Variants in SPTA1 observed in about 807,000 individuals in gnomAD.
SPTA1 encodes the protein spectrin alpha chain, erythrocytic 1.
In SPTA1, 177 loss-of-function variants were observed where a neutral mutation model predicts 324.7. The observed-to-expected ratio is 0.55, with a 90% confidence interval of 0.48 to 0.62. SPTA1 has a LOEUF of 0.62. SPTA1 is among the 20% of genes least tolerant of loss of function. The pLI is 0.00. For synonymous variants in SPTA1, 1,195 were observed against 1,041.3 expected, an observed-to-expected ratio of 1.15 and a Z score of -2.84; for missense variants, 3,162 against 2,883.6, an observed-to-expected ratio of 1.10 and a Z score of -2.21.
intron 18 of SPTA1, among the ~76,000 whole-genome samples, chr1:158,660,309 A>C (rs1398471975): frequency 6.6e-6 from 1 of 152,210 alleles, no homozygotes; most frequent in African/African-American, 2.4e-5. Flanking sequence ...TAAGAAACAG[A>C]GTGCAAGCAA....
chr1:158,658,638 G>A (rs376944041), intron 18 of SPTA1, among the ~76,000 whole-genome samples: 1 of 151,938 alleles, frequency 6.6e-6, no homozygotes, highest in African/African-American at 2.4e-5. Context: ...ACAGATCCAA[G>A]GAGCTCAACA....
Position 158,620,247 on chromosome 1 carries a change from C to T in SPTA1, c.6340G>A (p.Val2114Met). Residue 2114 changes from valine to methionine, a missense_variant, in exon 44 of 52, where the codon GTG becomes ATG. By Grantham distance (21) the Val-to-Met change is conservative. Transcript: ENST00000643759. ...ELDQQIKALG[V>M]PSSPYTWLTV... ...AACCAGGTATAAGGGCTGGAAGGCA[C>T]ACCTAAGGCCTTAATCTGCTGGTCT... The T allele has an allele frequency of 6.2e-7, 1 of 1,614,110 alleles. No homozygotes were observed. Among genetic ancestry groups the T allele is most frequent in the Non-Finnish European group, 8.5e-7 (1 of 1,180,026 alleles).
chr1:158,635,462 C>A (rs1269971427), intron 38 of SPTA1, among the ~76,000 whole-genome samples: 1 of 152,134 alleles, frequency 6.6e-6, no homozygotes, highest in Non-Finnish European at 1.5e-5. Context: ...CATAAATACC[C>A]AGTCTCGGGT....
At chr1:158,680,497 CCTT>C (rs1654725088) in intron 5 of SPTA1, 83 bp downstream of exon 5, 1 of 1,581,540 alleles carries the variant, frequency 6.3e-7, no homozygotes. Flanking sequence ...TGCCCCATCT[CCTT>C]CATATCCATC....
At position 158,674,535 on chromosome 1, in the gene SPTA1, T is replaced by C. The variant is rs2101924242; in HGVS notation, c.1248+5A>G. On this transcript the variant is annotated splice_donor_5th_base_variant and intron_variant, in intron 9 of 51. Coordinates refer to ENST00000643759, the MANE Select transcript of SPTA1 (RefSeq NM_003126.4). Reference sequence around the variant, plus strand: ...TCCTCCTACTGGGCAGCCTTTCTTCTCTACCTTATGCTGCTGATGCCTGTC... The same window carrying C: ...TCCTCCTACTGGGCAGCCTTTCTTCCCTACCTTATGCTGCTGATGCCTGTC... 2 of 1,614,138 alleles carry C rather than the reference T, an allele frequency of 1.2e-6. No individual in the cohort carries two copies. Among genetic ancestry groups the C allele is most frequent in the East Asian group, 2.2e-5 (1 of 44,880 alleles).
Position 158,662,931 on chromosome 1 carries a change from G to A in SPTA1, c.2235C>T (p.Ile745=), listed in dbSNP as rs770192203. ...AVAARQDQVD[I]LTDLAAYFEE... ...CAAAATATGCAGCCAGGTCTGTAAG[G>A]ATATCCACCTGATCCTAAGGGAGAA... The change falls in exon 17 of 52, where the codon ATC becomes ATT. Residue 745 remains isoleucine (I), a synonymous_variant. Coordinates refer to ENST00000643759, the MANE Select transcript of SPTA1 (RefSeq NM_003126.4). 4 of 1,614,058 alleles carry A rather than the reference G, an allele frequency of 2.5e-6. No homozygotes were observed. The highest frequency in any genetic ancestry group is 3.4e-6 in the Non-Finnish European group (4 of 1,179,966).
intron 35 of SPTA1, 94 bp from the exon 36 acceptor site, chr1:158,638,335 C>T: frequency 8.1e-7 from 1 of 1,229,622 alleles, no homozygotes; most frequent in Non-Finnish European, 1.2e-6. Flanking sequence ...AAAGACTGGG[C>T]CAAATGGATT....
intron 18 of SPTA1, among the ~76,000 whole-genome samples, chr1:158,659,562 A>G (rs1172418365): frequency 6.6e-6 from 1 of 150,882 alleles, no homozygotes; most frequent in Non-Finnish European, 1.5e-5. Context: ...ATAAAAGAAT[A>G]AGTCTGTAAA....
At chr1:158,630,012 T>C (rs1226854536) in intron 39 of SPTA1, among the ~76,000 whole-genome samples, 1 of 151,762 alleles carries the variant, frequency 6.6e-6, no homozygotes, top group Admixed American at 6.6e-5. Flanking sequence ...CACAAACAAA[T>C]GGAAAAATAT....
At chr1:158,655,229 A>G (rs766148096) in intron 20 of SPTA1, among the ~76,000 whole-genome samples, 9 of 152,072 alleles carry the variant, frequency 5.9e-5, no homozygotes, top group Non-Finnish European at 1.2e-4. Flanking sequence ...CTTCTATTTG[A>G]GATATGAGTG....
At chr1:158,617,944 A>C in intron 46 of SPTA1, 95 bp downstream of exon 46, 1 of 1,196,904 alleles carries the variant, frequency 8.4e-7, no homozygotes. Flanking sequence ...ACCAGATTAC[A>C]ATGGAATGAA....
chr1:158,629,185 A>G (rs12141691), intron 39 of SPTA1, among the ~76,000 whole-genome samples: 224 of 83,036 alleles, frequency 2.7e-3, no homozygotes, highest in Non-Finnish European at 4.4e-3. Flanking sequence ...GACAAAATAT[A>G]TCTCTATCTA....
rs1429748317 is a variant in SPTA1 at position 158,612,817 on chromosome 1, C to T, written c.7134G>A (p.Gln2378=). The change falls in exon 51 of 52, where the codon CAG becomes CAA. Residue 2378 remains glutamine (Q), a splice_region_variant and synonymous_variant. Transcript: ENST00000643759. ...GTAGGGGAAGCAACCAGAATCGGAC[C>T]TGCTTCATGTCTTCTTTGGTAATAT... ...KSYITKEDMK[Q]ALTPEQVSFC... is the part of the protein sequence containing the mutation. 1 of 1,613,702 alleles carries T rather than the reference C, an allele frequency of 6.2e-7. No homozygotes were observed. Among genetic ancestry groups the T allele is most frequent in the Non-Finnish European group, 8.5e-7 (1 of 1,179,808 alleles).
rs779918492 is a variant in SPTA1 at position 158,686,547 on chromosome 1, T to C, written c.-30A>G. 6.5e-7 allele frequency: 1 copy of C among 1,528,974 alleles called. No individual in the cohort carries two copies. Among genetic ancestry groups the C allele is most frequent in the Non-Finnish European group, 8.8e-7 (1 of 1,132,178 alleles). The allele number at this position is 1,528,974 out of a possible 1,614,324, so 94.7% of individuals were successfully genotyped here. On this transcript the variant is annotated 5_prime_UTR_variant, in exon 1 of 52. Coordinates refer to ENST00000643759, the MANE Select transcript of SPTA1 (RefSeq NM_003126.4). ...CCTAAAGGTTTAGAACCTGGCAAGATAAAATGTGTCAGAGAGAGAGAGAGA... is the reference window on the plus strand; with the variant it reads ...CCTAAAGGTTTAGAACCTGGCAAGACAAAATGTGTCAGAGAGAGAGAGAGA...
intron 29 of SPTA1, among the ~76,000 whole-genome samples, chr1:158,644,765 C>G (rs548976970): frequency 6.6e-6 from 1 of 152,154 alleles, no homozygotes; most frequent in Non-Finnish European, 1.5e-5. Context: ...TCAAAGCACT[C>G]GTACATTTTG....
intron 35 of SPTA1, chr1:158,639,292 C>T: frequency 2.5e-6 from 1 of 404,730 alleles, no homozygotes; most frequent in East Asian, 5.3e-5. Flanking sequence ...AAATATATAG[C>T]TTAAAGACAA....
At chr1:158,649,253 C>T (rs1175367903) in intron 25 of SPTA1, among the ~76,000 whole-genome samples, 1 of 151,896 alleles carries the variant, frequency 6.6e-6, no homozygotes, top group Non-Finnish European at 1.5e-5. Flanking sequence ...TTACTTAAAC[C>T]TCCTGTTTCA....
intron 36 of SPTA1, 55 bp downstream of exon 36, chr1:158,637,978 G>A (rs1267110480): frequency 1.3e-6 from 2 of 1,576,180 alleles, no homozygotes; most frequent in Non-Finnish European, 8.7e-7. Context: ...AACAAGTTTG[G>A]TGGATTATCT....
chr1:158,657,441 T>A, intron 19 of SPTA1, 36 bp downstream of exon 19: 1 of 1,586,210 alleles, frequency 6.3e-7, no homozygotes, highest in Non-Finnish European at 8.6e-7. Flanking sequence ...TTGCGTTTGT[T>A]GAGGATTCAC....
Sources: gnomAD v4.1 joint callset for allele counts (sites outside exome capture counted in the v4.1 genomes callset) on GRCh38, gnomAD v4.1.1 for gene constraint, MANE v1.5 for transcripts, NCBI Gene and HGNC (gene_info 2026-07-23, HGNC 2026-07-21) for gene names.